Variants in DDHD1 observed in about 807,000 individuals in gnomAD.
DDHD1 encodes the protein phospholipase DDHD1.
DDHD1 carries 49 observed loss-of-function variants against 96.4 expected under a neutral mutation model. The observed-to-expected ratio is 0.51, with a 90% CI of 0.40 to 0.64. DDHD1 has a LOEUF of 0.64. Ranked by LOEUF, DDHD1 falls within the 30% of genes least tolerant of loss-of-function variation. DDHD1 has a pLI of 0.00. For missense variants in DDHD1, 1,106 were observed against 1,161.2 expected (o/e 0.95, Z 0.69); for synonymous variants, 442 against 446.5 (o/e 0.99, Z 0.13).
chr14:53,098,259 T>C (rs1050904623), intron 2 of DDHD1, among the ~76,000 whole-genome samples: 3 of 152,074 alleles, frequency 2.0e-5, no homozygotes, highest in African/African-American at 2.4e-5. Context: ...TAACATTTAA[T>C]AAAAATTAAT....
In DDHD1 at chr14:53,061,259, ATGCT is replaced by A. The variant is rs144399686; in HGVS notation, c.1767-62_1767-59del. 1,328 of 1,465,232 alleles carry A rather than the reference ATGCT, an allele frequency of 9.1e-4. 44 individuals carry two copies. The East Asian group carries it at 0.031, about 34-fold the overall frequency. The allele number at this position is 1,465,232 out of a possible 1,614,324, so 90.8% of individuals were successfully genotyped here. A position where few individuals can be genotyped will look rare whatever the true frequency, so the allele number is the denominator to read the frequency against. On this transcript the variant is annotated intron_variant, in intron 7 of 12. Coordinates refer to ENST00000673822, the MANE Select transcript of DDHD1 (RefSeq NM_001160148.2). ...GTATTTATAATTTCATAAATATTAG[ATGCT>A]TGCTAGCTTACTAAAGTATAAAGAC...
chr14:53,115,060 C>T (rs916872112), intron 1 of DDHD1, among the ~76,000 whole-genome samples: 5 of 151,828 alleles, frequency 3.3e-5, no homozygotes, highest in African/African-American at 1.2e-4. Context: ...AAACACAGTC[C>T]GAGAACTTCA....
intron 10 of DDHD1, 145 bp from the exon 11 acceptor site, chr14:53,054,774 T>C (rs1049387875): frequency 3.0e-6 from 2 of 656,210 alleles, no homozygotes; most frequent in Non-Finnish European, 5.0e-6. Context: ...AAAATTATAA[T>C]TTATATTGCA....
At chr14:53,091,660 G>GAA in intron 4 of DDHD1, 125 bp downstream of exon 4, 1 of 968,268 alleles carries the variant, frequency 1.0e-6, no homozygotes, top group Non-Finnish European at 1.5e-6. Context: ...TGACTTAAGA[G>GAA]GTATTAGAAT....
chr14:53,098,875 T>C (rs1043925918), intron 2 of DDHD1, among the ~76,000 whole-genome samples: 2 of 152,230 alleles, frequency 1.3e-5, no homozygotes, highest in South Asian at 2.1e-4. Flanking sequence ...ATCTTTTACT[T>C]TCAATTTATC....
At chr14:53,057,214 G>A (rs955718565) in intron 9 of DDHD1, among the ~76,000 whole-genome samples, 1 of 152,074 alleles carries the variant, frequency 6.6e-6, no homozygotes, top group African/African-American at 2.4e-5. Flanking sequence ...CTAGCTAAAA[G>A]GATCCTTTAA....
In DDHD1 at chr14:53,056,038, T is replaced by C. The variant is rs148477323; in HGVS notation, c.1993-126A>G. ...GAGAAGGAATTTAATTAAAAAACAA[T>C]AGCTATTTCAAACATGTATTTCTAT... On this transcript the variant is annotated intron_variant, in intron 9 of 12. Coordinates refer to ENST00000673822, the MANE Select transcript of DDHD1 (RefSeq NM_001160148.2). 1.9e-4 allele frequency: 144 copies of C among 764,224 alleles called. No homozygotes were observed. The African/African-American group carries it at 2.2e-3, about 12-fold the overall frequency. 47.3% of individuals were successfully genotyped at this position (764,224 alleles called of 1,614,324 possible). A position where few individuals can be genotyped will look rare whatever the true frequency, so the allele number is the denominator to read the frequency against.
chr14:53,078,058 T>C (rs897561756), intron 4 of DDHD1, among the ~76,000 whole-genome samples: 2 of 152,170 alleles, frequency 1.3e-5, no homozygotes, highest in African/African-American at 4.8e-5. Flanking sequence ...GCTTCCATTT[T>C]TGGGCTATCA....
rs149559485 is a variant in DDHD1 at position 53,127,624 on chromosome 14, C to T, written c.839-23768G>A. ...TTGGTAGAACTAAACACCATTTTCC[C>T]CACCAAGTCTTCTAAAATAAAAACC... On this transcript the variant is annotated intron_variant, in intron 1 of 12. Coordinates refer to ENST00000673822, the MANE Select transcript of DDHD1 (RefSeq NM_001160148.2). 7.9e-4 allele frequency among the ~76,000 whole-genome samples: 120 copies of T among 152,280 alleles called. No homozygotes were observed. The Middle Eastern group carries it at 0.01, about 13-fold the overall frequency.
At chr14:53,143,251 AC>A (rs1890760012) in intron 1 of DDHD1, among the ~76,000 whole-genome samples, 1 of 152,142 alleles carries the variant, frequency 6.6e-6, no homozygotes, top group African/African-American at 2.4e-5. Context: ...CCCTAGAAAA[AC>A]CAGTAAGAAT....
At chr14:53,053,358 G>T (rs1373156008) in intron 11 of DDHD1, 1 of 152,018 alleles carries the variant, frequency 6.6e-6, no homozygotes, top group Admixed American at 6.6e-5. Context: ...GTCTAAAAAA[G>T]AATTTTCCAG....
intron 9 of DDHD1, 83 bp from the exon 10 acceptor site, chr14:53,055,995 C>A: frequency 8.6e-7 from 1 of 1,156,826 alleles, no homozygotes; most frequent in Admixed American, 2.5e-5. Context: ...TACTCTACTG[C>A]ATGTTAAGTA....
intron 8 of DDHD1, 41 bp downstream of exon 8, chr14:53,061,085 T>A (rs1883506700): frequency 6.4e-7 from 1 of 1,550,482 alleles, no homozygotes; most frequent in East Asian, 2.3e-5. Context: ...TTAAAAAAAA[T>A]ACTGAGATCA....
Position 53,126,752 on chromosome 14 carries a change from C to CT in DDHD1, c.839-22897dup, listed in dbSNP as rs200521450. On this transcript the variant is annotated intron_variant, in intron 1 of 12. Transcript: ENST00000673822. ...TTGACGTAGAAGTGGTCATTCCCATCTTTTTTTTTACCTAGTAAATATTAA... is the reference window on the plus strand; with the variant it reads ...TTGACGTAGAAGTGGTCATTCCCATCTTTTTTTTTTACCTAGTAAATATTAA... Among the ~76,000 whole-genome samples, 171 of 151,492 alleles carry CT rather than the reference C, an allele frequency of 1.1e-3. 4 individuals are homozygous for CT. The highest frequency in any genetic ancestry group is 3.7e-3 in the African/African-American group (151 of 41,342).
intron 12 of DDHD1, 79 bp downstream of exon 12, chr14:53,051,765 C>A: frequency 8.5e-7 from 1 of 1,179,886 alleles, no homozygotes; most frequent in Non-Finnish European, 1.2e-6. Context: ...AGAACTGATC[C>A]AATTTTTCAA....
At chr14:53,096,836 CT>C (rs1886921039) in intron 2 of DDHD1, among the ~76,000 whole-genome samples, 1 of 152,048 alleles carries the variant, frequency 6.6e-6, no homozygotes, top group Admixed American at 6.5e-5. Context: ...CTGCTTTTAA[CT>C]TTGCTTTTGA....
At chr14:53,097,706 G>A (rs1886991091) in intron 2 of DDHD1, among the ~76,000 whole-genome samples, 1 of 151,778 alleles carries the variant, frequency 6.6e-6, no homozygotes, top group Admixed American at 6.6e-5. Context: ...AAACGAGAAC[G>A]AAATGGGAAA....
At chr14:53,130,917 T>C (rs1889818529) in intron 1 of DDHD1, among the ~76,000 whole-genome samples, 1 of 152,152 alleles carries the variant, frequency 6.6e-6, no homozygotes, top group Non-Finnish European at 1.5e-5. Flanking sequence ...ACAGACACTT[T>C]GGGTAACTCT....
chr14:53,091,881 A>T lies in DDHD1; in HGVS notation c.1193T>A (p.Leu398Ter), dbSNP rs1473657696. 1 of 1,613,548 alleles carries T rather than the reference A, an allele frequency of 6.2e-7. No homozygotes were observed. The highest frequency in any genetic ancestry group is 8.5e-7 in the Non-Finnish European group (1 of 1,179,732). Reference sequence around the variant, plus strand: ...GGTAGTCTGTGATGGCTTGTCTTCTAATGTGGCTTCTTCTACATAACCTCT... The same window carrying T: ...GGTAGTCTGTGATGGCTTGTCTTCTTATGTGGCTTCTTCTACATAACCTCT... Reference protein sequence around the residue: ...LHRGYVEEATLEDKPSQTTHI... With the variant: ...LHRGYVEEAT The change falls in exon 4 of 13, where the codon TTA (leucine) becomes TAA (stop). Residue 398 changes from leucine (L) to a stop codon, truncating the protein, a stop_gained. Coordinates refer to ENST00000673822, the MANE Select transcript of DDHD1 (RefSeq NM_001160148.2). LOFTEE classifies it high-confidence loss of function.
Sources: allele counts gnomAD v4.1 joint callset (sites outside exome capture counted in the v4.1 genomes callset), GRCh38; gene constraint gnomAD v4.1.1; transcripts MANE v1.5; gene names NCBI Gene and HGNC (gene_info 2026-07-23, HGNC 2026-07-21).